TENM2: variants seen among roughly 807,000 people sequenced by gnomAD.
TENM2 encodes teneurin-2.
Under a neutral mutation model 245.2 loss-of-function variants are expected in TENM2, and 52 were observed. The ratio of observed to expected loss-of-function variants is 0.21; its 90% CI spans 0.17 to 0.27. The LOEUF is 0.27. TENM2 is among the 10% of genes least tolerant of loss of function. TENM2 has a pLI of 1.00. For synonymous variants in TENM2, 1,363 were observed against 1,438.9 expected (o/e 0.95, Z 1.19); for missense variants, 3,046 against 3,666.8 (o/e 0.83, Z 4.37).
the TENM2 span, among the ~76,000 whole-genome samples, chr5:167,240,817 T>C: frequency 4.5e-4 from 68 of 152,148 alleles, no homozygotes; most frequent in Non-Finnish European, 8.5e-4. Flanking sequence ...TTCCCGAATG[T>C]CTTAAGAAAC....
intron 2 of TENM2, among the ~76,000 whole-genome samples, chr5:167,627,257 C>T (rs1778569023): frequency 6.6e-6 from 1 of 152,134 alleles, no homozygotes; most frequent in Non-Finnish European, 1.5e-5. Flanking sequence ...TAAGGCAACA[C>T]ACTAAAGAAA....
At chr5:168,123,704 T>C (rs1449007802) in intron 10 of TENM2, among the ~76,000 whole-genome samples, 2 of 152,200 alleles carry the variant, frequency 1.3e-5, no homozygotes, top group South Asian at 2.1e-4. Context: ...GAGAAATATG[T>C]CTTAATCAAG....
chr5:167,423,437 C>T (rs144748781), intron 2 of TENM2, among the ~76,000 whole-genome samples: 62 of 152,258 alleles, frequency 4.1e-4, no homozygotes, highest in Admixed American at 8.5e-4. Context: ...GTCCACTGTG[C>T]TGTTGGCAGG....
intron 1 of TENM2, among the ~76,000 whole-genome samples, chr5:167,353,796 C>A (rs1356377933): frequency 1.3e-5 from 2 of 151,786 alleles, no homozygotes; most frequent in Non-Finnish European, 2.9e-5. Context: ...CGTGAGCCAC[C>A]GCGCCCGGCC....
intron 2 of TENM2, among the ~76,000 whole-genome samples, chr5:167,491,175 G>A (rs1437154029): frequency 1.3e-5 from 2 of 152,032 alleles, no homozygotes; most frequent in Admixed American, 6.6e-5. Flanking sequence ...GAGTAAGTTA[G>A]GCACACGATG....
intron 1 of TENM2, among the ~76,000 whole-genome samples, chr5:167,352,916 A>T (rs1194174133): frequency 6.6e-6 from 1 of 152,206 alleles, no homozygotes; most frequent in African/African-American, 2.4e-5. Context: ...GTCTCCAGAG[A>T]AAAAGGGGAA....
chr5:167,690,161 C>T (rs190771550), intron 2 of TENM2, among the ~76,000 whole-genome samples: 29 of 138,438 alleles, frequency 2.1e-4, no homozygotes, highest in African/African-American at 7.3e-4. Flanking sequence ...TTTTGAGGGG[C>T]AGAAGGAAAA....
chr5:167,981,090 A>G (rs1030707275), intron 4 of TENM2, among the ~76,000 whole-genome samples: 3 of 152,196 alleles, frequency 2.0e-5, no homozygotes, highest in Non-Finnish European at 4.4e-5. Flanking sequence ...GAGTAAGGAT[A>G]TGAAGGCCCA....
intron 2 of TENM2, among the ~76,000 whole-genome samples, chr5:167,867,051 A>G (rs929183239): frequency 6.6e-6 from 1 of 152,138 alleles, no homozygotes; most frequent in African/African-American, 2.4e-5. Context: ...CTTTGAGAGG[A>G]TCTGGGAGGT....
chr5:166,981,355 A>G, the TENM2 span, among the ~76,000 whole-genome samples: 2 of 152,094 alleles, frequency 1.3e-5, no homozygotes, highest in Admixed American at 6.6e-5. Context: ...TAGTGGGGGG[A>G]AAATCCAGCT....
chr5:167,371,342 T>A lies in TENM2; in HGVS notation c.227-3856T>A, dbSNP rs576161142. ...GACCTCCATGGCTCCCTGTTTTTTT[T>A]TTTTTTCTTTCTTTTCTTTTTTTTT... On this transcript the variant is annotated intron_variant, in intron 1 of 28. Coordinates refer to ENST00000518659, the Ensembl canonical transcript of TENM2. 2.5e-3 allele frequency among the ~76,000 whole-genome samples: 379 copies of A among 150,314 alleles called. 5 individuals are homozygous for A. Among genetic ancestry groups the A allele is most frequent in the Non-Finnish European group, 4.6e-3 (314 of 67,538 alleles).
the TENM2 span, among the ~76,000 whole-genome samples, chr5:167,003,274 G>GTCT: frequency 6.6e-6 from 1 of 152,102 alleles, no homozygotes; most frequent in Non-Finnish European, 1.5e-5. Context: ...TAATCCAGGT[G>GTCT]TCTTCACCCA....
chr5:168,094,872 C>G (rs1219774968), intron 8 of TENM2, among the ~76,000 whole-genome samples: 1 of 152,056 alleles, frequency 6.6e-6, no homozygotes, highest in Non-Finnish European at 1.5e-5. Context: ...ACTGACTGAG[C>G]TCCGCCCCCT....
intron 17 of TENM2, among the ~76,000 whole-genome samples, chr5:168,202,659 A>G (rs904029086): frequency 1.3e-4 from 19 of 151,788 alleles, no homozygotes; most frequent in African/African-American, 4.6e-4. Context: ...GGGGCTGGTC[A>G]TTTGGCCTTT....
chr5:167,372,321 C>T (rs940424543), intron 1 of TENM2, among the ~76,000 whole-genome samples: 1 of 152,102 alleles, frequency 6.6e-6, no homozygotes, highest in Admixed American at 6.6e-5. Flanking sequence ...TACTTGATTC[C>T]TGAAGACCTC....
At chr5:166,994,371 A>G in the TENM2 span, among the ~76,000 whole-genome samples, 7 of 152,322 alleles carry the variant, frequency 4.6e-5, no homozygotes, top group Admixed American at 1.3e-4. Context: ...TTTGAAAATA[A>G]ACAAGAGGAA....
intron 4 of TENM2, among the ~76,000 whole-genome samples, chr5:167,970,853 A>G (rs1781723838): frequency 6.6e-6 from 1 of 151,898 alleles, no homozygotes; most frequent in Non-Finnish European, 1.5e-5. Flanking sequence ...GCAGGGGGTA[A>G]GGGTGGCACA....
At chr5:167,227,598 C>T in the TENM2 span, among the ~76,000 whole-genome samples, 3 of 152,126 alleles carry the variant, frequency 2.0e-5, no homozygotes, top group Non-Finnish European at 4.4e-5. Context: ...CTTTCCTGGT[C>T]TGTAAGGTTT....
intron 3 of TENM2, among the ~76,000 whole-genome samples, chr5:167,894,614 C>A (rs981361893): frequency 6.6e-6 from 1 of 152,136 alleles, no homozygotes; most frequent in Non-Finnish European, 1.5e-5. Flanking sequence ...TCCTTGGATA[C>A]CCCTGCCCCA....
Sources: allele counts gnomAD v4.1 joint callset (sites outside exome capture counted in the v4.1 genomes callset), GRCh38; gene constraint gnomAD v4.1.1; transcripts MANE v1.5; gene names NCBI Gene and HGNC (gene_info 2026-07-23, HGNC 2026-07-21).